The following PPFIBP2 variants were observed in gnomAD, a reference collection of about 807,000 sequenced individuals.
PPFIBP2 encodes the protein liprin-beta-2.
In PPFIBP2, 118 loss-of-function variants were observed where a neutral mutation model predicts 118.3. The observed-to-expected ratio is 1.00, with a 90% CI of 0.86 to 1.16. The LOEUF (loss-of-function observed/expected upper bound fraction) is 1.16. Ranked by LOEUF, PPFIBP2 falls within the 50% of genes most tolerant of loss-of-function variation. PPFIBP2 has a pLI of 0.00. For missense variants in PPFIBP2, 1,195 were observed against 1,073.1 expected (o/e 1.11, Z -1.59); for synonymous variants, 414 against 397.4 (o/e 1.04, Z -0.50).
At chr11:7,572,776 T>C (rs534981780) in intron 3 of PPFIBP2, among the ~76,000 whole-genome samples, 1 of 151,748 alleles carries the variant, frequency 6.6e-6, no homozygotes, top group Non-Finnish European at 1.5e-5. Flanking sequence ...GTTTTGTTTG[T>C]TTTGTTTTGT....
intron 2 of PPFIBP2, among the ~76,000 whole-genome samples, chr11:7,558,039 G>A (rs901267253): frequency 6.6e-6 from 1 of 152,282 alleles, no homozygotes; most frequent in Non-Finnish European, 1.5e-5. Flanking sequence ...TGTCTTAATT[G>A]TACAAAATAT....
intron 1 of PPFIBP2, among the ~76,000 whole-genome samples, chr11:7,522,628 A>G (rs1849858571): frequency 6.6e-6 from 1 of 152,056 alleles, no homozygotes; most frequent in East Asian, 1.9e-4. Context: ...TGGGAATGAG[A>G]CCAGGTTTGG....
intron 1 of PPFIBP2, among the ~76,000 whole-genome samples, chr11:7,543,625 A>C (rs1434948148): frequency 6.6e-6 from 1 of 152,248 alleles, no homozygotes; most frequent in East Asian, 1.9e-4. Flanking sequence ...CCAAACATCA[A>C]TTACAACCTA....
chr11:7,632,980 T>G, intron 12 of PPFIBP2, 46 bp downstream of exon 12: 2 of 1,565,042 alleles, frequency 1.3e-6, no homozygotes, highest in Non-Finnish European at 1.8e-6. Flanking sequence ...CTCTCAGGCT[T>G]GCCTTGGGGC....
At chr11:7,586,508 A>G (rs1858217261) in intron 3 of PPFIBP2, among the ~76,000 whole-genome samples, 1 of 152,136 alleles carries the variant, frequency 6.6e-6, no homozygotes, top group Admixed American at 6.5e-5. Context: ...TATAAAGAGC[A>G]CTCTGTAGTT....
chr11:7,632,743 C>T (rs1850938829), intron 11 of PPFIBP2, 124 bp from the exon 12 acceptor site: 4 of 710,240 alleles, frequency 5.6e-6, no homozygotes, highest in Admixed American at 4.2e-5. Flanking sequence ...AATGATGTAT[C>T]CACCATGGCT....
At chr11:7,587,225 T>A (rs1858374266) in intron 3 of PPFIBP2, among the ~76,000 whole-genome samples, 1 of 152,128 alleles carries the variant, frequency 6.6e-6, no homozygotes, top group South Asian at 2.1e-4. Flanking sequence ...TCCTAGTACA[T>A]CCCACACAGA....
intron 7 of PPFIBP2, among the ~76,000 whole-genome samples, chr11:7,624,357 G>T (rs375550900): frequency 2.0e-5 from 3 of 152,224 alleles, no homozygotes; most frequent in Non-Finnish European, 2.9e-5. Context: ...TGCTTGTGAG[G>T]ATTTGATGTA....
At chr11:7,544,136 A>G (rs902022304) in intron 1 of PPFIBP2, among the ~76,000 whole-genome samples, 2 of 152,200 alleles carry the variant, frequency 1.3e-5, no homozygotes, top group African/African-American at 4.8e-5. Flanking sequence ...TGAAGGAAGG[A>G]TGAATTGTGG....
chr11:7,544,207 C>T (rs1283405480), intron 1 of PPFIBP2, among the ~76,000 whole-genome samples: 2 of 152,154 alleles, frequency 1.3e-5, no homozygotes, highest in African/African-American at 4.8e-5. Flanking sequence ...AGGGATGAGA[C>T]AGTGTCTCAG....
intron 3 of PPFIBP2, among the ~76,000 whole-genome samples, chr11:7,582,270 G>GT (rs1194823723): frequency 1.3e-5 from 2 of 152,256 alleles, no homozygotes; most frequent in African/African-American, 4.8e-5. Context: ...GAAAAGAGAG[G>GT]TTTTTCAATC....
At position 7,641,740 on chromosome 11, in the gene PPFIBP2, C is replaced by T. The variant is rs899511022; in HGVS notation, c.1517+120C>T. 3 of 1,031,684 alleles carry T rather than the reference C, an allele frequency of 2.9e-6. No individual in the cohort carries two copies. In the African/African-American group the frequency reaches 4.8e-5, roughly 17 times the overall value. The allele number at this position is 1,031,684 out of a possible 1,614,324, so 63.9% of individuals were successfully genotyped here. ...GAAACAGCAGTCAAAACAGAGTGTTCATGTTCAAAGAGAAGAATCTGAGAT... is the reference window on the plus strand; with the variant it reads ...GAAACAGCAGTCAAAACAGAGTGTTTATGTTCAAAGAGAAGAATCTGAGAT... On this transcript the variant is annotated intron_variant, in intron 16 of 23. Coordinates refer to ENST00000299492, the MANE Select transcript of PPFIBP2 (RefSeq NM_003621.5).
chr11:7,658,820 C>CT (rs1854824391), downstream of PPFIBP2, among the ~76,000 whole-genome samples: 2 of 77,856 alleles, frequency 2.6e-5, no homozygotes, highest in Non-Finnish European at 5.3e-5. Context: ...TGTTTCCTGA[C>CT]TTTTTAATGA....
downstream of PPFIBP2, among the ~76,000 whole-genome samples, chr11:7,661,322 T>C (rs943717809): frequency 1.3e-5 from 2 of 150,458 alleles, no homozygotes; most frequent in East Asian, 1.9e-4. Context: ...GCTTTGAATG[T>C]GTCCCAGAGA....
Position 7,565,684 on chromosome 11 carries a change from C to A in PPFIBP2, c.196C>A (p.Leu66Ile), listed in dbSNP as rs199516445. Residue 66 changes from leucine (L) to isoleucine (I), a missense_variant, in exon 3 of 24, where the codon CTT becomes ATT. Leu to Ile is a conservative substitution (Grantham distance 5). Transcript: ENST00000299492. ...DLRLALEMLE[L>I]PQERAALLSQ... is the part of the protein sequence containing the mutation. Reference sequence around the variant, plus strand: ...GAGGCTGGCCTTGGAGATGCTGGAGCTTCCTCAGGAGAGAGCAGCCCTCCT... The same window carrying A: ...GAGGCTGGCCTTGGAGATGCTGGAGATTCCTCAGGAGAGAGCAGCCCTCCT... 2.4e-5 allele frequency: 38 copies of A among 1,614,194 alleles called. No homozygotes were observed. In the East Asian group the frequency reaches 7.1e-4, roughly 30 times the overall value.
intron 14 of PPFIBP2, among the ~76,000 whole-genome samples, chr11:7,635,960 A>T (rs998388315): frequency 2.0e-5 from 3 of 152,224 alleles, no homozygotes; most frequent in African/African-American, 7.2e-5. Context: ...TGGTTAAAAA[A>T]ACACAAGTGT....
intron 3 of PPFIBP2, among the ~76,000 whole-genome samples, chr11:7,574,734 C>T (rs3889980): frequency 0.022 from 3,331 of 152,116 alleles, 43 homozygotes; most frequent in Middle Eastern, 0.041. Flanking sequence ...GGTGAGTGAG[C>T]GAGGAGGTGC....
intron 2 of PPFIBP2, among the ~76,000 whole-genome samples, chr11:7,558,275 C>G (rs1487650848): frequency 6.6e-6 from 1 of 152,204 alleles, no homozygotes; most frequent in Non-Finnish European, 1.5e-5. Context: ...TGTGTACTGG[C>G]TCTTAGACTT....
At chr11:7,665,990 G>C in the PPFIBP2 span, 2 of 1,344,050 alleles carry the variant, frequency 1.5e-6, no homozygotes, top group Non-Finnish European at 2.1e-6. Flanking sequence ...CGCGCCTGTG[G>C]GGTGCTCTGT....
Sources: allele counts gnomAD v4.1 joint callset (sites outside exome capture counted in the v4.1 genomes callset), GRCh38; gene constraint gnomAD v4.1.1; transcripts MANE v1.5; gene names NCBI Gene and HGNC (gene_info 2026-07-23, HGNC 2026-07-21).